Variants in FHOD3 observed in about 807,000 individuals in gnomAD.
FHOD3 encodes the protein FH1/FH2 domain-containing protein 3.
Under a neutral mutation model 173.0 loss-of-function variants are expected in FHOD3, and 90 were observed. That is an observed-to-expected ratio of 0.52 (90% confidence interval 0.44 to 0.62). The LOEUF is 0.62. Ranked by LOEUF, FHOD3 falls within the 20% of genes least tolerant of loss-of-function variation. The pLI is 0.00. For synonymous variants in FHOD3, 828 were observed against 823.0 expected, an observed-to-expected ratio of 1.01 and a Z score of -0.10; for missense variants, 1,945 against 2,034.7, an observed-to-expected ratio of 0.96 and a Z score of 0.85.
chr18:36,777,027 C>G (rs1000352884), intron 28 of FHOD3, among the ~76,000 whole-genome samples: 7 of 152,152 alleles, frequency 4.6e-5, no homozygotes, highest in Admixed American at 6.5e-5. Flanking sequence ...TGTTAAGCAT[C>G]TTTAAATACC....
At chr18:36,690,448 G>A (rs2038891066) in intron 16 of FHOD3, among the ~76,000 whole-genome samples, 1 of 152,052 alleles carries the variant, frequency 6.6e-6, no homozygotes, top group Non-Finnish European at 1.5e-5. Context: ...TCATTGCATG[G>A]GCCGGTGGGT....
intron 5 of FHOD3, among the ~76,000 whole-genome samples, chr18:36,516,739 GT>G (rs2056005534): frequency 6.6e-6 from 1 of 152,156 alleles, no homozygotes; most frequent in South Asian, 2.1e-4. Context: ...GCAAGACCCT[GT>G]TTTTAAAAAA....
At chr18:36,424,928 G>A (rs2050162749) in intron 3 of FHOD3, among the ~76,000 whole-genome samples, 1 of 152,146 alleles carries the variant, frequency 6.6e-6, no homozygotes, top group Non-Finnish European at 1.5e-5. Context: ...AGCCATTGTG[G>A]TACAGCAGTG....
chr18:36,622,280 A>G (rs925924073), intron 9 of FHOD3, among the ~76,000 whole-genome samples: 9 of 152,216 alleles, frequency 5.9e-5, no homozygotes, highest in African/African-American at 2.2e-4. Context: ...CCCTCTAGTT[A>G]ACAATAATGT....
chr18:36,651,896 C>T (rs910263686), intron 11 of FHOD3, among the ~76,000 whole-genome samples: 7 of 152,180 alleles, frequency 4.6e-5, no homozygotes, highest in Non-Finnish European at 8.8e-5. Context: ...GGATTTTATA[C>T]CTGGAGGCAG....
chr18:36,773,332 G>A (rs2043477596), intron 28 of FHOD3, among the ~76,000 whole-genome samples: 1 of 152,210 alleles, frequency 6.6e-6, no homozygotes, highest in South Asian at 2.1e-4. Flanking sequence ...CCAAGAACCT[G>A]TCTTTCCTAC....
intron 6 of FHOD3, among the ~76,000 whole-genome samples, chr18:36,587,680 A>G (rs2059082026): frequency 6.6e-6 from 1 of 152,022 alleles, no homozygotes; most frequent in Non-Finnish European, 1.5e-5. Flanking sequence ...AATCCTAGCT[A>G]CTCAGGAGGC....
chr18:36,359,030 T>A (rs1429451589), intron 2 of FHOD3, among the ~76,000 whole-genome samples: 2 of 152,230 alleles, frequency 1.3e-5, no homozygotes, highest in African/African-American at 4.8e-5. Context: ...ACAAAGTCTG[T>A]GTGTCTCCCA....
rs537204500 is a variant in FHOD3, at chr18:36,612,220, C to T, written c.957+125C>T. 7.7e-6 allele frequency: 8 copies of T among 1,036,688 alleles called. No individual in the cohort carries two copies. The South Asian group carries it at 8.6e-5, about 11-fold the overall frequency. 64.2% of individuals were successfully genotyped at this position (1,036,688 alleles called of 1,614,324 possible). ...CACCAGCTTATTAGAAACTCAGCAT[C>T]GTAGGCTTCACCCCAGACCTACTGA... On this transcript the variant is annotated intron_variant, in intron 9 of 28. Coordinates refer to ENST00000590592, the MANE Select transcript of FHOD3 (RefSeq NM_001281740.3).
intron 14 of FHOD3, among the ~76,000 whole-genome samples, chr18:36,676,430 A>T (rs2037860585): frequency 6.6e-6 from 1 of 152,216 alleles, no homozygotes; most frequent in Non-Finnish European, 1.5e-5. Context: ...ATTTGTAGGT[A>T]TTTGTATAAT....
chr18:36,382,373 A>G (rs2047835134), intron 3 of FHOD3, among the ~76,000 whole-genome samples: 1 of 152,194 alleles, frequency 6.6e-6, no homozygotes, highest in Non-Finnish European at 1.5e-5. Flanking sequence ...AATAACGAGA[A>G]GCAGACAAAA....
intron 13 of FHOD3, among the ~76,000 whole-genome samples, chr18:36,656,908 G>A (rs2036465134): frequency 1.3e-5 from 2 of 152,072 alleles, no homozygotes. Flanking sequence ...ATTTGCAGGA[G>A]CTTTCTGGAA....
chr18:36,649,458 C>T, intron 11 of FHOD3, 53 bp downstream of exon 11: 1 of 1,386,028 alleles, frequency 7.2e-7, no homozygotes, highest in Non-Finnish European at 9.8e-7. Flanking sequence ...AGACTCCTTC[C>T]TAATGATAGT....
chr18:36,391,898 G>A (rs1360330871), intron 3 of FHOD3, among the ~76,000 whole-genome samples: 1 of 152,144 alleles, frequency 6.6e-6, no homozygotes. Context: ...CTGCTCAAAT[G>A]TCTCCCCATG....
intron 5 of FHOD3, among the ~76,000 whole-genome samples, chr18:36,557,436 G>A (rs187026488): frequency 3.2e-3 from 482 of 151,240 alleles, no homozygotes; most frequent in African/African-American, 0.011. Flanking sequence ...TCCATTAATC[G>A]CATCCAGTGT....
chr18:36,684,488 T>A (rs1189601271), intron 15 of FHOD3, among the ~76,000 whole-genome samples: 2 of 151,320 alleles, frequency 1.3e-5, no homozygotes, highest in Non-Finnish European at 2.9e-5. Context: ...TGAAAAGATG[T>A]CTCTGTAAAA....
In FHOD3 at chr18:36,297,872, G is replaced by C. The variant is rs1179952276; in HGVS notation, c.37G>C (p.Asp13His). Residue 13 changes from aspartate (D) to histidine (H), a missense_variant, in exon 1 of 29, where the codon GAC (aspartate) becomes CAC (histidine). Physicochemically the swap from Asp to His is moderately conservative, Grantham distance 81 (BLOSUM62 -1). Coordinates refer to ENST00000590592, the MANE Select transcript of FHOD3 (RefSeq NM_001281740.3). ...TLACRVQFLD[D>H]TDPFNSTNFP... ...GGCTTGCCGGGTGCAGTTCTTGGAC[G>C]ACACGGACCCTTTCAACAGCACCAA... 2 of 1,546,442 alleles carry C rather than the reference G, an allele frequency of 1.3e-6. No individual in the cohort carries two copies. The highest frequency in any genetic ancestry group is 1.7e-6 in the Non-Finnish European group (2 of 1,146,818).
intron 3 of FHOD3, among the ~76,000 whole-genome samples, chr18:36,494,624 A>G (rs1228450912): frequency 1.3e-5 from 2 of 152,142 alleles, no homozygotes; most frequent in Non-Finnish European, 1.5e-5. Context: ...GCCTGCCCCC[A>G]GCTTCTCCCC....
At chr18:36,453,360 A>C (rs2051978170) in intron 3 of FHOD3, among the ~76,000 whole-genome samples, 1 of 152,358 alleles carries the variant, frequency 6.6e-6, no homozygotes, top group East Asian at 1.9e-4. Context: ...AAGAGGCTTC[A>C]AGAGTCAGCT....
Sources: gnomAD v4.1 joint callset for allele counts (sites outside exome capture counted in the v4.1 genomes callset) on GRCh38, gnomAD v4.1.1 for gene constraint, MANE v1.5 for transcripts, NCBI Gene and HGNC (gene_info 2026-07-23, HGNC 2026-07-21) for gene names.